PLA2G12A: variants seen among roughly 807,000 people sequenced by gnomAD.
PLA2G12A encodes group XIIA secretory phospholipase A2.
Under a neutral mutation model 16.0 loss-of-function variants are expected in PLA2G12A, and 11 were observed. The observed-to-expected ratio is 0.69, with a 90% CI of 0.43 to 1.13. The LOEUF is 1.13. Among genes scored for constraint, PLA2G12A ranks in the 50% most tolerant of loss-of-function variants. PLA2G12A has a pLI of 0.00. For missense variants in PLA2G12A, 214 were observed against 237.3 expected, an observed-to-expected ratio of 0.90 and a Z score of 0.65; for synonymous variants, 77 against 93.8, an observed-to-expected ratio of 0.82 and a Z score of 1.03.
chr4:109,723,739 A>G (rs1157819619), intron 1 of PLA2G12A, among the ~76,000 whole-genome samples: 2 of 152,330 alleles, frequency 1.3e-5, no homozygotes, highest in African/African-American at 4.8e-5. Flanking sequence ...ACACACTAAG[A>G]AATAGGTCAA....
At chr4:109,723,470 T>A (rs1259886491) in intron 1 of PLA2G12A, among the ~76,000 whole-genome samples, 1 of 152,216 alleles carries the variant, frequency 6.6e-6, no homozygotes, top group Non-Finnish European at 1.5e-5. Context: ...CCACTACAGA[T>A]GAGTCCTCTC....
At chr4:109,714,565 A>G in intron 3 of PLA2G12A, 70 bp from the exon 4 acceptor site, 1 of 994,216 alleles carries the variant, frequency 1.0e-6, no homozygotes. Context: ...TACACATTAC[A>G]GCACAGCAAC....
rs188498505 is a variant in PLA2G12A, at chr4:109,718,183, A to T, written c.286-470T>A. Among the ~76,000 whole-genome samples the T allele has an allele frequency of 8.5e-5, 13 of 152,276 alleles. No individual in the cohort carries two copies. The East Asian group carries it at 2.5e-3, about 29-fold the overall frequency. On this transcript the variant is annotated intron_variant, in intron 2 of 3. Transcript: ENST00000243501. Reference sequence around the variant, plus strand: ...AAATTTTTTTGTTTTTTAATCTTTAAATATTTCTCCATTCCCCAAAGATAC... The same window carrying T: ...AAATTTTTTTGTTTTTTAATCTTTATATATTTCTCCATTCCCCAAAGATAC...
chr4:109,726,927 C>CA (rs1396155751), intron 1 of PLA2G12A, among the ~76,000 whole-genome samples: 1 of 131,544 alleles, frequency 7.6e-6, no homozygotes, highest in African/African-American at 2.9e-5. Context: ...ACCATTAACT[C>CA]ACTCTTTTTT....
In PLA2G12A at chr4:109,729,933, C is replaced by T. The variant is rs968528587; in HGVS notation, c.-124G>A. Reference sequence around the variant, plus strand: ...TTGGCAGCAGCCAGCTCCATATCCACGCCTCCTTCCCGGCTGGCCCTCAGG... The same window carrying T: ...TTGGCAGCAGCCAGCTCCATATCCATGCCTCCTTCCCGGCTGGCCCTCAGG... On this transcript the variant is annotated 5_prime_UTR_variant, in exon 1 of 4. It adds an upstream start codon to the 5' untranslated region. Coordinates refer to ENST00000243501, the MANE Select transcript of PLA2G12A (RefSeq NM_030821.5). 4.0e-6 allele frequency: 3 copies of T among 754,614 alleles called. No homozygotes were observed. The highest frequency in any genetic ancestry group is 6.0e-6 in the Non-Finnish European group (3 of 496,078). 46.7% of individuals were successfully genotyped at this position (754,614 alleles called of 1,614,324 possible).
intron 1 of PLA2G12A, among the ~76,000 whole-genome samples, chr4:109,725,765 C>G (rs1722923296): frequency 6.6e-6 from 1 of 152,108 alleles, no homozygotes. Context: ...TCCAGATAGA[C>G]CAACTGTTTT....
chr4:109,729,829 A>T lies in PLA2G12A; in HGVS notation c.-20T>A. 6.5e-7 allele frequency: 1 copy of T among 1,541,866 alleles called. No individual in the cohort carries two copies. ...GGCCATGCGCGCAGCGCCGGGCTCT[A>T]CGGGTCCCCGAGCCGCGGCGCGGGG... On this transcript the variant is annotated 5_prime_UTR_variant, in exon 1 of 4. Transcript: ENST00000243501.
At chr4:109,724,535 A>G (rs546120883) in intron 1 of PLA2G12A, among the ~76,000 whole-genome samples, 1 of 152,316 alleles carries the variant, frequency 6.6e-6, no homozygotes, top group Non-Finnish European at 1.5e-5. Context: ...TCAAATCTAT[A>G]AAAACATTCC....
intron 1 of PLA2G12A, among the ~76,000 whole-genome samples, chr4:109,729,041 G>T (rs970087000): frequency 1.3e-5 from 2 of 152,148 alleles, no homozygotes; most frequent in East Asian, 3.9e-4. Context: ...AGGAGGAGGC[G>T]GGTCACTGAT....
At chr4:109,719,556 G>A (rs1730885536) in intron 1 of PLA2G12A, among the ~76,000 whole-genome samples, 1 of 152,122 alleles carries the variant, frequency 6.6e-6, no homozygotes, top group South Asian at 2.1e-4. Flanking sequence ...TTAAATTTTG[G>A]AGGGTACTTC....
intron 2 of PLA2G12A, 75 bp downstream of exon 2, chr4:109,718,608 T>C (rs773290821): frequency 1.4e-4 from 161 of 1,113,796 alleles, no homozygotes; most frequent in Non-Finnish European, 1.9e-4. Flanking sequence ...AAGAACATGC[T>C]GATAGTCTTA....
chr4:109,720,895 C>T (rs1730928646), intron 1 of PLA2G12A, among the ~76,000 whole-genome samples: 1 of 151,682 alleles, frequency 6.6e-6, no homozygotes, highest in African/African-American at 2.4e-5. Flanking sequence ...ATGGCGAAAC[C>T]CCATCTCTAC....
rs1425190936 is a variant in PLA2G12A at position 109,712,729 on chromosome 4, C to T, written c.*1648G>A. ...CCAGCTGGTCTCAAACTCCTGACCT[C>T]AAGTGATCCAACCGCCTCAGCCTCC... On this transcript the variant is annotated 3_prime_UTR_variant, in exon 4 of 4. Coordinates refer to ENST00000243501, the MANE Select transcript of PLA2G12A (RefSeq NM_030821.5). 3 of 152,212 alleles carry T rather than the reference C, an allele frequency of 2.0e-5. No homozygotes were observed. The highest frequency in any genetic ancestry group is 7.2e-5 in the African/African-American group (3 of 41,430). 9.4% of individuals were successfully genotyped at this position (152,212 alleles called of 1,614,324 possible).
At chr4:109,714,781 G>A (rs1730797792) in intron 3 of PLA2G12A, among the ~76,000 whole-genome samples, 1 of 146,836 alleles carries the variant, frequency 6.8e-6, no homozygotes, top group Non-Finnish European at 1.5e-5. Context: ...GACACCCAGA[G>A]TGGAGTGTCA....
intron 1 of PLA2G12A, among the ~76,000 whole-genome samples, chr4:109,720,589 AAAAAAAAAAAAAAAAATAT>A (rs1216845018): frequency 3.1e-4 from 15 of 47,978 alleles, no homozygotes; most frequent in South Asian, 9.7e-4. Flanking sequence ...AAAAAAAAAA[AAAAAAAAAAAAAAAAATAT>A]ATATATATAT....
chr4:109,717,657 A>G lies in PLA2G12A; in HGVS notation c.342T>C (p.Tyr114=). 1 of 1,614,012 alleles carries G rather than the reference A, an allele frequency of 6.2e-7. No homozygotes were observed. Among genetic ancestry groups the G allele is most frequent in the Non-Finnish European group, 8.5e-7 (1 of 1,179,854 alleles). ...CATTCTTGCTTTTGCCACAGGTCTC[A>G]TAGCACCTGTCGTGTTGGTTGCAAC... ...TKCCNQHDRC[Y]ETCGKSKNDC... is the part of the protein sequence containing the mutation. Residue 114 remains tyrosine, a synonymous_variant, in exon 3 of 4, where the codon TAT becomes TAC. Coordinates refer to ENST00000243501, the MANE Select transcript of PLA2G12A (RefSeq NM_030821.5).
chr4:109,721,233 T>G (rs552170208), intron 1 of PLA2G12A, among the ~76,000 whole-genome samples: 73 of 152,218 alleles, frequency 4.8e-4, no homozygotes, highest in African/African-American at 1.6e-3. Flanking sequence ...TCTGGACCCT[T>G]GGAAGATGAG....
In PLA2G12A at chr4:109,729,860, C is replaced by A; in HGVS notation, c.-51G>T. The A allele has an allele frequency of 1.3e-6, 2 of 1,492,372 alleles. No homozygotes were observed. The highest frequency in any genetic ancestry group is 1.3e-5 in the South Asian group (1 of 79,188). 92.4% of individuals were successfully genotyped at this position (1,492,372 alleles called of 1,614,324 possible). ...CCCCGAGCCGCGGCGCGGGGCGCGT[C>A]CCCACAGAGTCCCCAGGACGCGCTA... is the stretch of plus-strand genomic sequence containing the variant. On this transcript the variant is annotated 5_prime_UTR_variant, in exon 1 of 4. Transcript: ENST00000243501.
intron 1 of PLA2G12A, among the ~76,000 whole-genome samples, chr4:109,727,731 T>C (rs907129641): frequency 4.6e-5 from 7 of 151,918 alleles, no homozygotes; most frequent in African/African-American, 1.7e-4. Context: ...AGCCCAGGAG[T>C]TGGAGGCTGC....
Sources: gnomAD v4.1 joint callset for allele counts (sites outside exome capture counted in the v4.1 genomes callset) on GRCh38, gnomAD v4.1.1 for gene constraint, MANE v1.5 for transcripts, NCBI Gene and HGNC (gene_info 2026-07-23, HGNC 2026-07-21) for gene names.